The following ZNF438 variants were observed in gnomAD, a reference collection of about 807,000 sequenced individuals.
The protein encoded by ZNF438 is zinc finger protein 438.
A neutral mutation model predicts 38.0 loss-of-function variants in ZNF438; 25 were observed. The observed-to-expected ratio is 0.66, with a 90% CI of 0.48 to 0.92. The LOEUF is 0.92. ZNF438 is among the 40% of genes least tolerant of loss of function. ZNF438 has a pLI of 0.00. For missense variants in ZNF438, 1,007 were observed against 999.6 expected (o/e 1.01, Z -0.10); for synonymous variants, 372 against 364.1 (o/e 1.02, Z -0.25).
chr10:30,943,294 A>C (rs1024576769), intron 1 of ZNF438, among the ~76,000 whole-genome samples: 1 of 152,198 alleles, frequency 6.6e-6, no homozygotes, highest in Non-Finnish European at 1.5e-5. Context: ...ATGAATACAA[A>C]CATTTGTGTG....
intron 2 of ZNF438, among the ~76,000 whole-genome samples, chr10:30,910,855 A>G (rs979444993): frequency 1.3e-5 from 2 of 152,112 alleles, no homozygotes; most frequent in Non-Finnish European, 2.9e-5. Flanking sequence ...CATATTCAAT[A>G]TATCTTTTTA....
At chr10:31,026,641 T>A (rs1408307962) in intron 1 of ZNF438, among the ~76,000 whole-genome samples, 1 of 152,154 alleles carries the variant, frequency 6.6e-6, no homozygotes, top group African/African-American at 2.4e-5. Flanking sequence ...ACATTGTTGG[T>A]GGGACTGTAA....
intron 1 of ZNF438, among the ~76,000 whole-genome samples, chr10:30,945,558 C>G (rs1374309246): frequency 6.6e-6 from 1 of 151,050 alleles, no homozygotes; most frequent in East Asian, 1.9e-4. Context: ...CCCTCTACCC[C>G]CACCACACAA....
chr10:30,860,022 C>T (rs186813782), intron 4 of ZNF438, among the ~76,000 whole-genome samples: 1 of 152,208 alleles, frequency 6.6e-6, no homozygotes, highest in Admixed American at 6.5e-5. Flanking sequence ...CGAGATTAGC[C>T]ATAGAATCTA....
intron 1 of ZNF438, among the ~76,000 whole-genome samples, chr10:30,999,059 C>A (rs2054372973): frequency 6.6e-6 from 1 of 151,812 alleles, no homozygotes; most frequent in Admixed American, 6.6e-5. Context: ...TAACAAAAAA[C>A]ACTAGAATTG....
intron 3 of ZNF438, among the ~76,000 whole-genome samples, chr10:30,907,499 G>GT (rs1382816384): frequency 6.6e-6 from 1 of 152,098 alleles, no homozygotes; most frequent in Non-Finnish European, 1.5e-5. Flanking sequence ...CCTGGGTTTT[G>GT]TGTGTGTGAA....
chr10:30,937,450 C>A (rs575945960), intron 2 of ZNF438, among the ~76,000 whole-genome samples: 1 of 152,236 alleles, frequency 6.6e-6, no homozygotes, highest in Non-Finnish European at 1.5e-5. Flanking sequence ...TGTGTTATTG[C>A]ATATGTGGGA....
At chr10:31,003,509 C>T (rs1209212090) in intron 1 of ZNF438, among the ~76,000 whole-genome samples, 1 of 152,288 alleles carries the variant, frequency 6.6e-6, no homozygotes, top group East Asian at 1.9e-4. Context: ...TTCTGACCCA[C>T]CAAAACCTGT....
At chr10:30,926,932 G>A (rs748740844) in intron 2 of ZNF438, among the ~76,000 whole-genome samples, 45 of 152,126 alleles carry the variant, frequency 3.0e-4, no homozygotes, top group African/African-American at 1.0e-3. Flanking sequence ...TTAATTTTCC[G>A]ATGGCCATAC....
intron 1 of ZNF438, among the ~76,000 whole-genome samples, chr10:30,977,112 A>C (rs2051450952): frequency 6.6e-6 from 1 of 152,238 alleles, no homozygotes. Context: ...AAAGCTTAAA[A>C]GTAACTTGGA....
chr10:30,957,826 G>A (rs2049033725), intron 1 of ZNF438, among the ~76,000 whole-genome samples: 1 of 117,072 alleles, frequency 8.5e-6, no homozygotes, highest in Admixed American at 8.6e-5. Flanking sequence ...AAAGCATCAG[G>A]GTTTGGGCTG....
chr10:30,929,110 T>C (rs890177897), intron 2 of ZNF438, among the ~76,000 whole-genome samples: 1 of 152,214 alleles, frequency 6.6e-6, no homozygotes, highest in Non-Finnish European at 1.5e-5. Flanking sequence ...AAGCAGGTGG[T>C]GGCCAGGCAC....
At chr10:30,936,744 AC>A (rs2046299637) in intron 2 of ZNF438, among the ~76,000 whole-genome samples, 1 of 152,206 alleles carries the variant, frequency 6.6e-6, no homozygotes, top group Admixed American at 6.5e-5. Context: ...ATGGACGAAG[AC>A]CATGGTAGAA....
At chr10:30,875,797 C>G (rs1262809658) in intron 4 of ZNF438, among the ~76,000 whole-genome samples, 1 of 152,206 alleles carries the variant, frequency 6.6e-6, no homozygotes, top group African/African-American at 2.4e-5. Context: ...CCCCTTGGAG[C>G]ATGTTTGGCC....
intron 1 of ZNF438, among the ~76,000 whole-genome samples, chr10:30,989,168 T>C (rs949407849): frequency 6.6e-6 from 1 of 152,190 alleles, no homozygotes; most frequent in Non-Finnish European, 1.5e-5. Context: ...GTATTCTACA[T>C]GTTTGATTTG....
intron 2 of ZNF438, chr10:30,923,527 A>G (rs955459409): frequency 6.6e-6 from 1 of 152,156 alleles, no homozygotes; most frequent in Non-Finnish European, 1.5e-5. Flanking sequence ...TCTTTTTCAT[A>G]TGGACACTCT....
At chr10:30,883,516 A>T (rs1306783566) in intron 3 of ZNF438, among the ~76,000 whole-genome samples, 1 of 152,234 alleles carries the variant, frequency 6.6e-6, no homozygotes, top group Non-Finnish European at 1.5e-5. Context: ...AGCCATTTTT[A>T]AAAATGTTTC....
chr10:30,930,836 C>CAAAAAAAAAAAAAAAAAAAA (rs2045599179), intron 2 of ZNF438, among the ~76,000 whole-genome samples: 97 of 58,664 alleles, frequency 1.7e-3, no homozygotes, highest in African/African-American at 2.7e-3. Context: ...AAAAAAAAAG[C>CAAAAAAAAAAAAAAAAAAAA]AAATGGTTCT....
At chr10:30,996,726 A>G (rs1409200052) in intron 1 of ZNF438, among the ~76,000 whole-genome samples, 1 of 151,990 alleles carries the variant, frequency 6.6e-6, no homozygotes, top group Admixed American at 6.6e-5. Flanking sequence ...ACTATATAAC[A>G]CTCCACTCAA....
Sources: allele counts gnomAD v4.1 joint callset (sites outside exome capture counted in the v4.1 genomes callset), GRCh38; gene constraint gnomAD v4.1.1; transcripts MANE v1.5; gene names NCBI Gene and HGNC (gene_info 2026-07-23, HGNC 2026-07-21).